Variants in TNFSF4 observed in about 807,000 individuals in gnomAD.
TNFSF4 encodes TNF superfamily member 4, also known as tumor necrosis factor ligand superfamily member 4.
Under a neutral mutation model 7.3 loss-of-function variants are expected in TNFSF4, and 4 were observed. The ratio of observed to expected loss-of-function variants is 0.55; its 90% confidence interval spans 0.27 to 1.25. The LOEUF is 1.25. TNFSF4 is among the 50% of genes most tolerant of loss of function. The probability of loss-of-function intolerance (pLI) is 0.12; values close to 1 mark genes in which losing one functional copy is unlikely to be tolerated. For missense variants in TNFSF4, 181 were observed against 208.8 expected (o/e 0.87, Z 0.82); for synonymous variants, 76 against 83.7 (o/e 0.91, Z 0.50).
At chr1:173,413,395 T>C in the TNFSF4 span, among the ~76,000 whole-genome samples, 1 of 152,220 alleles carries the variant, frequency 6.6e-6, no homozygotes, top group Non-Finnish European at 1.5e-5. Context: ...ATTTTGAGCC[T>C]GCTTTTAATT....
the TNFSF4 span, among the ~76,000 whole-genome samples, chr1:173,426,285 G>T: frequency 6.6e-6 from 1 of 152,136 alleles, no homozygotes; most frequent in African/African-American, 2.4e-5. Context: ...TGTCAGATAT[G>T]GGAACTTCAG....
At chr1:173,207,771 C>T (rs768289127), upstream of TNFSF4, among the ~76,000 whole-genome samples, 31 of 152,020 alleles carry the variant, frequency 2.0e-4, no homozygotes, top group Non-Finnish European at 3.7e-4. Flanking sequence ...AAAGACAAAA[C>T]AAGAAAATAG....
chr1:173,221,568 A>G, the TNFSF4 span, among the ~76,000 whole-genome samples: 1 of 152,230 alleles, frequency 6.6e-6, no homozygotes, highest in South Asian at 2.1e-4. Context: ...CTTGTACATC[A>G]TTGGGCTGAG....
chr1:173,327,829 G>C, the TNFSF4 span, among the ~76,000 whole-genome samples: 2 of 152,056 alleles, frequency 1.3e-5, no homozygotes, highest in African/African-American at 4.8e-5. Context: ...AGTTAGAATG[G>C]CGATCATTAA....
intron 1 of TNFSF4, among the ~76,000 whole-genome samples, chr1:173,191,674 T>A (rs1365019928): frequency 6.6e-6 from 1 of 152,248 alleles, no homozygotes; most frequent in Non-Finnish European, 1.5e-5. Flanking sequence ...ACAAAGAGCA[T>A]AGACTTTGGA....
chr1:173,417,508 G>A, the TNFSF4 span, among the ~76,000 whole-genome samples: 1 of 37,414 alleles, frequency 2.7e-5, no homozygotes, highest in African/African-American at 6.7e-5. Context: ...CCACGTGGAA[G>A]CGTGGCCAGC....
chr1:173,422,326 G>GAAAA, the TNFSF4 span, among the ~76,000 whole-genome samples: 11 of 89,010 alleles, frequency 1.2e-4, no homozygotes, highest in East Asian at 3.5e-4. Context: ...TGCCCAGAGT[G>GAAAA]AAAAAAAAAA....
chr1:173,370,907 G>T, the TNFSF4 span, among the ~76,000 whole-genome samples: 1 of 152,154 alleles, frequency 6.6e-6, no homozygotes, highest in African/African-American at 2.4e-5. Context: ...GGTTTACAAG[G>T]ACACTTTAAA....
At chr1:173,189,087 C>A (rs1310691206) in intron 1 of TNFSF4, among the ~76,000 whole-genome samples, 1 of 152,142 alleles carries the variant, frequency 6.6e-6, no homozygotes, top group Non-Finnish European at 1.5e-5. Flanking sequence ...TCCATAATAT[C>A]TCTTAAGATA....
the TNFSF4 span, among the ~76,000 whole-genome samples, chr1:173,215,181 G>A: frequency 5.0e-4 from 76 of 152,250 alleles, no homozygotes; most frequent in Middle Eastern, 3.4e-3. Flanking sequence ...ACAGCAAGAA[G>A]GTGGCCGTCT....
chr1:173,357,693 A>G, the TNFSF4 span, among the ~76,000 whole-genome samples: 31,304 of 151,894 alleles, frequency 0.21, 3,509 homozygotes, highest in Middle Eastern at 0.26. Context: ...CACCACACCT[A>G]GCTAATTTTT....
At chr1:173,205,732 G>A (rs1415497589) in intron 1 of TNFSF4, 2 of 302,826 alleles carry the variant, frequency 6.6e-6, no homozygotes, top group Non-Finnish European at 9.8e-6. Context: ...GATGTCTTGG[G>A]CATCCTGCCA....
the TNFSF4 span, among the ~76,000 whole-genome samples, chr1:173,177,506 C>T: frequency 9.9e-5 from 15 of 151,958 alleles, no homozygotes; most frequent in African/African-American, 1.9e-4. Context: ...ACATGGGTGA[C>T]GAAAAAATCT....
At chr1:173,423,984 T>C in the TNFSF4 span, among the ~76,000 whole-genome samples, 3,798 of 152,028 alleles carry the variant, frequency 0.025, 169 homozygotes, top group African/African-American at 0.087. Flanking sequence ...CCTGACATGG[T>C]GGGAGGGACA....
intron 1 of TNFSF4, among the ~76,000 whole-genome samples, chr1:173,203,843 G>C (rs1009469504): frequency 6.6e-6 from 1 of 152,158 alleles, no homozygotes; most frequent in Non-Finnish European, 1.5e-5. Flanking sequence ...ACACCTTATA[G>C]GTCAGCTTTT....
the TNFSF4 span, among the ~76,000 whole-genome samples, chr1:173,417,196 A>G: frequency 3.3e-5 from 5 of 152,192 alleles, no homozygotes; most frequent in Non-Finnish European, 7.3e-5. Flanking sequence ...AGTCAGAGAC[A>G]CCTCGGTTTG....
chr1:173,245,269 A>G, the TNFSF4 span, among the ~76,000 whole-genome samples: 1 of 152,238 alleles, frequency 6.6e-6, no homozygotes, highest in Non-Finnish European at 1.5e-5. Flanking sequence ...GGTTTTATAG[A>G]TAAAAAATAT....
At chr1:173,381,662 GCTT>G in the TNFSF4 span, among the ~76,000 whole-genome samples, 1 of 152,126 alleles carries the variant, frequency 6.6e-6, no homozygotes, top group African/African-American at 2.4e-5. Context: ...CAACTGCAGG[GCTT>G]CTTCTTCACC....
downstream of TNFSF4, among the ~76,000 whole-genome samples, chr1:173,180,062 AT>A (rs1163405224): frequency 6.6e-6 from 1 of 151,930 alleles, no homozygotes; most frequent in Non-Finnish European, 1.5e-5. Context: ...TAGCATTCTG[AT>A]TTTTTCTTTC....
Sources: gnomAD v4.1 joint callset for allele counts (sites outside exome capture counted in the v4.1 genomes callset) on GRCh38, gnomAD v4.1.1 for gene constraint, MANE v1.5 for transcripts, NCBI Gene and HGNC (gene_info 2026-07-23, HGNC 2026-07-21) for gene names.